BCLAF1: variants seen among roughly 807,000 people sequenced by gnomAD.
BCLAF1 encodes BCL2 associated transcription factor 1, also known as bcl-2-associated transcription factor 1.
In BCLAF1, 10 loss-of-function variants were observed where a neutral mutation model predicts 99.5. The ratio of observed to expected loss-of-function variants is 0.10; its 90% CI spans 0.06 to 0.17. The LOEUF is 0.17. Ranked by LOEUF, BCLAF1 falls within the 10% of genes least tolerant of loss-of-function variation. The pLI, the probability that BCLAF1 is intolerant of heterozygous loss-of-function variation, is 1.00. For synonymous variants in BCLAF1, 255 were observed against 370.9 expected (o/e 0.69, Z 3.59); for missense variants, 636 against 1,105.8 (o/e 0.58, Z 6.02).
intron 11 of BCLAF1, among the ~76,000 whole-genome samples, chr6:136,264,441 A>T (rs1781449997): frequency 6.6e-6 from 1 of 152,024 alleles, no homozygotes; most frequent in South Asian, 2.1e-4. Flanking sequence ...TCCTGACCTC[A>T]TGATCCACCT....
intron 11 of BCLAF1, among the ~76,000 whole-genome samples, chr6:136,263,125 T>C (rs1478503349): frequency 2.0e-5 from 3 of 152,192 alleles, no homozygotes; most frequent in Admixed American, 6.5e-5. Flanking sequence ...CCCTCTAAGA[T>C]AGTATTACTG....
chr6:136,286,668 G>C (rs748233259), intron 1 of BCLAF1, among the ~76,000 whole-genome samples: 4 of 152,122 alleles, frequency 2.6e-5, no homozygotes, highest in Non-Finnish European at 4.4e-5. Context: ...AGTCTTTCTA[G>C]ACATGCTTAA....
chr6:136,272,214 T>A, intron 7 of BCLAF1, 135 bp from the exon 8 acceptor site: 1 of 581,324 alleles, frequency 1.7e-6, no homozygotes. Context: ...GACTATTAAT[T>A]TAGTTTATAA....
rs60218804 is a variant in BCLAF1, at chr6:136,284,130, GTA to G, written c.-114-1445_-114-1444del. On this transcript the variant is annotated intron_variant, in intron 1 of 12. Coordinates refer to ENST00000531224, the MANE Select transcript of BCLAF1 (RefSeq NM_014739.3). The stretch of plus-strand genomic sequence containing the variant: ...TATACATATATATGTGTGTGTGTGT[GTA>G]TATATATATATATATATATATATAT... Among the ~76,000 whole-genome samples the G allele has an allele frequency of 3.0e-3, 364 of 122,078 alleles. 5 individuals carry two copies. In the South Asian group the frequency reaches 0.033, roughly 11 times the overall value. 80.1% of individuals were successfully genotyped at this position (122,078 alleles called of 152,430 possible). A position where few individuals can be genotyped will look rare whatever the true frequency, so the allele number is the denominator to read the frequency against.
Position 136,261,442 on chromosome 6 carries a change from G to C in BCLAF1, c.2580C>G (p.Ala860=), listed in dbSNP as rs374275548. ...AAGTACCACGACCTCTTCCTCTTTTGGCCCAATAATCCACACCATCATCTC... is the reference window on the plus strand; with the variant it reads ...AAGTACCACGACCTCTTCCTCTTTTCGCCCAATAATCCACACCATCATCTC... ...DDRDDGVDYW[A]KRGRGRGTFQ... is the part of the protein sequence containing the mutation. The change falls in exon 12 of 13, where the codon GCC becomes GCG. Residue 860 remains alanine, a synonymous_variant. Coordinates refer to ENST00000531224, the MANE Select transcript of BCLAF1 (RefSeq NM_014739.3). The C allele has an allele frequency of 7.4e-6, 12 of 1,613,426 alleles. No individual in the cohort carries two copies. The highest frequency in any genetic ancestry group is 4.0e-5 in the African/African-American group (3 of 74,822).
At chr6:136,283,200 A>G (rs1024985368) in intron 1 of BCLAF1, among the ~76,000 whole-genome samples, 1 of 151,640 alleles carries the variant, frequency 6.6e-6, no homozygotes. Context: ...AAAAAAAAAA[A>G]AAAAGGTAAT....
At chr6:136,277,587 C>T (rs763264842) in intron 4 of BCLAF1, among the ~76,000 whole-genome samples, 14 of 152,046 alleles carry the variant, frequency 9.2e-5, no homozygotes, top group Non-Finnish European at 1.5e-4. Context: ...GTGCAGTAGG[C>T]GCAATCATAG....
chr6:136,285,822 A>C (rs1337967080), intron 1 of BCLAF1, among the ~76,000 whole-genome samples: 2 of 152,234 alleles, frequency 1.3e-5, no homozygotes, highest in Non-Finnish European at 2.9e-5. Context: ...TTATCAGGCC[A>C]GGAATGGTGG....
At position 136,277,960 on chromosome 6, in the gene BCLAF1, T is replaced by C. The variant is rs143736291; in HGVS notation, c.921A>G (p.Pro307=). The C allele has an allele frequency of 6.8e-6, 11 of 1,606,472 alleles. No homozygotes were observed. The African/African-American group carries it at 1.2e-4, about 18-fold the overall frequency. ...TAGACTCATCTCTTGGAGCATTCTGTGGTGCGATTGTCTTTGCAGGACTTC... is the reference window on the plus strand; with the variant it reads ...TAGACTCATCTCTTGGAGCATTCTGCGGTGCGATTGTCTTTGCAGGACTTC... ...SRRSPAKTIA[P]QNAPRDESRG... The change falls in exon 4 of 13, where the codon CCA becomes CCG. Residue 307 remains proline (P), a synonymous_variant. Transcript: ENST00000531224.
At chr6:136,261,235 C>A (rs1002042606) in intron 12 of BCLAF1, 30 bp downstream of exon 12, 21 of 1,601,482 alleles carry the variant, frequency 1.3e-5, no homozygotes, top group Admixed American at 1.7e-5. Flanking sequence ...CAAAAAAAAT[C>A]TGTCAGAATC....
chr6:136,284,799 G>GA (rs1209126868), intron 1 of BCLAF1, among the ~76,000 whole-genome samples: 2 of 151,796 alleles, frequency 1.3e-5, no homozygotes, highest in African/African-American at 2.4e-5. Flanking sequence ...AGAAAACAAG[G>GA]AAAAAATCAA....
intron 3 of BCLAF1, 107 bp from the exon 4 acceptor site, chr6:136,278,883 A>G (rs1048596514): frequency 1.6e-5 from 19 of 1,155,172 alleles, no homozygotes; most frequent in Non-Finnish European, 1.8e-5. Flanking sequence ...AGGCAAAAAT[A>G]CACTTTTTTA....
At position 136,286,651 on chromosome 6, in the gene BCLAF1, A is replaced by G. The variant is rs535816951; in HGVS notation, c.-115+3062T>C. On this transcript the variant is annotated intron_variant, in intron 1 of 12. Transcript: ENST00000531224. ...TTTTGATACAGCATTAATCAGCATC[A>G]TTTAGAAGTCTTTCTAGACATGCTT... Among the ~76,000 whole-genome samples, 5 of 152,368 alleles carry G rather than the reference A, an allele frequency of 3.3e-5. No individual in the cohort carries two copies. The East Asian group carries it at 9.6e-4, about 29-fold the overall frequency.
rs780097315 is a variant in BCLAF1, at chr6:136,275,523, T to C, written c.1852+9A>G. ...ATTTAATTCACGATACTAAACATAC[T>C]AAGCATACCTTTAACATGATGAACC... On this transcript the variant is annotated intron_variant, in intron 6 of 12. Coordinates refer to ENST00000531224, the MANE Select transcript of BCLAF1 (RefSeq NM_014739.3). 4 of 1,532,392 alleles carry C rather than the reference T, an allele frequency of 2.6e-6. No individual in the cohort carries two copies. The highest frequency in any genetic ancestry group is 2.3e-5 in the Admixed American group (1 of 42,648). The allele number at this position is 1,532,392 out of a possible 1,614,324, so 94.9% of individuals were successfully genotyped here.
At chr6:136,284,434 A>G (rs1562267767) in intron 1 of BCLAF1, among the ~76,000 whole-genome samples, 1 of 152,160 alleles carries the variant, frequency 6.6e-6, no homozygotes, top group Non-Finnish European at 1.5e-5. Context: ...TACAAAGCAC[A>G]ATGCTAATTA....
chr6:136,272,116 TTAAC>T (rs1439099371), intron 7 of BCLAF1, 37 bp from the exon 8 acceptor site: 1 of 1,451,170 alleles, frequency 6.9e-7, no homozygotes, highest in Non-Finnish European at 9.4e-7. Flanking sequence ...AGTCATATTA[TTAAC>T]TTTTTGGTTC....
intron 11 of BCLAF1, among the ~76,000 whole-genome samples, chr6:136,263,907 T>A (rs1467858491): frequency 6.6e-6 from 1 of 152,116 alleles, no homozygotes. Context: ...AGCTTAGAGA[T>A]AGGAAAATTC....
chr6:136,279,881 T>A lies in BCLAF1; in HGVS notation c.-10-5A>T. The A allele has an allele frequency of 2.0e-6, 3 of 1,474,294 alleles. No homozygotes were observed. Among genetic ancestry groups the A allele is most frequent in the Non-Finnish European group, 2.7e-6 (3 of 1,105,136 alleles). 91.3% of individuals were successfully genotyped at this position (1,474,294 alleles called of 1,614,324 possible). ...GAGCGACCCATTTCTTTTCTCCTAA[T>A]CAAATGATAGGGCAAAAAAAGGTTA... On this transcript the variant is annotated splice_polypyrimidine_tract_variant and splice_region_variant and intron_variant, in intron 2 of 12. Coordinates refer to ENST00000531224, the MANE Select transcript of BCLAF1 (RefSeq NM_014739.3).
intron 9 of BCLAF1, 142 bp from the exon 10 acceptor site, chr6:136,268,481 C>T (rs1273395143): frequency 2.6e-6 from 2 of 766,898 alleles, no homozygotes; most frequent in Non-Finnish European, 4.2e-6. Flanking sequence ...GGGTGTTAAA[C>T]TTTGACACAG....
Sources: gnomAD v4.1 joint callset for allele counts (sites outside exome capture counted in the v4.1 genomes callset) on GRCh38, gnomAD v4.1.1 for gene constraint, MANE v1.5 for transcripts, NCBI Gene and HGNC (gene_info 2026-07-23, HGNC 2026-07-21) for gene names.